ASIC2: variants seen among roughly 807,000 people sequenced by gnomAD.
The protein encoded by ASIC2 is acid sensing ion channel subunit 2, also known as acid-sensing ion channel 2.
ASIC2 carries 25 observed loss-of-function variants against 57.3 expected under a neutral mutation model. That is an observed-to-expected ratio of 0.44 (90% confidence interval 0.32 to 0.61). The LOEUF is 0.61. Ranked by LOEUF, ASIC2 falls within the 20% of genes least tolerant of loss-of-function variation. The probability of loss-of-function intolerance (pLI) is 0.06; values close to 1 mark genes in which losing one functional copy is unlikely to be tolerated. For missense variants in ASIC2, 641 were observed against 738.1 expected (o/e 0.87, Z 1.52); for synonymous variants, 319 against 307.5 (o/e 1.04, Z -0.39).
intron 1 of ASIC2, among the ~76,000 whole-genome samples, chr17:33,674,691 A>G (rs916028364): frequency 6.6e-6 from 1 of 152,218 alleles, no homozygotes; most frequent in East Asian, 1.9e-4. Context: ...TAATTTTTTA[A>G]TGGGTGAATA....
intron 1 of ASIC2, among the ~76,000 whole-genome samples, chr17:33,609,273 T>G (rs943524998): frequency 6.6e-6 from 1 of 152,220 alleles, no homozygotes; most frequent in Non-Finnish European, 1.5e-5. Flanking sequence ...TAAGAGACAC[T>G]GACGGCTTCC....
intron 1 of ASIC2, among the ~76,000 whole-genome samples, chr17:33,395,391 A>T (rs767676526): frequency 1.3e-5 from 2 of 152,202 alleles, no homozygotes; most frequent in Non-Finnish European, 2.9e-5. Flanking sequence ...CACATCTTAC[A>T]TGAATGGCAG....
chr17:34,058,392 G>A (rs1435446604), intron 1 of ASIC2, among the ~76,000 whole-genome samples: 1 of 152,172 alleles, frequency 6.6e-6, no homozygotes, highest in Non-Finnish European at 1.5e-5. Context: ...CAGCCTGGAG[G>A]AACAGCCCTT....
intron 1 of ASIC2, among the ~76,000 whole-genome samples, chr17:34,132,363 G>C (rs148291662): frequency 6.6e-6 from 1 of 152,298 alleles, no homozygotes; most frequent in East Asian, 1.9e-4. Context: ...CCACAGCGTG[G>C]AAGGACAGGT....
At chr17:33,409,231 A>T (rs28378555) in intron 1 of ASIC2, among the ~76,000 whole-genome samples, 3 of 152,134 alleles carry the variant, frequency 2.0e-5, no homozygotes, top group African/African-American at 7.2e-5. Flanking sequence ...AATTTTTTTA[A>T]AAAAAAGTTC....
intron 1 of ASIC2, among the ~76,000 whole-genome samples, chr17:33,152,251 A>G (rs997663805): frequency 2.0e-5 from 3 of 152,090 alleles, no homozygotes; most frequent in Admixed American, 6.6e-5. Flanking sequence ...ACTAGACACA[A>G]TGTGGTTGGT....
At chr17:33,958,569 T>A (rs1489306837) in intron 1 of ASIC2, among the ~76,000 whole-genome samples, 3 of 152,172 alleles carry the variant, frequency 2.0e-5, no homozygotes, top group Admixed American at 1.3e-4. Context: ...TTGGCTCCTT[T>A]TAACCATGGC....
At chr17:33,854,693 G>C (rs138854367) in intron 1 of ASIC2, among the ~76,000 whole-genome samples, 2 of 152,104 alleles carry the variant, frequency 1.3e-5, no homozygotes, top group Admixed American at 1.3e-4. Context: ...ATTTGGGTGA[G>C]TGGCCCCTGT....
chr17:33,071,001 G>T (rs1379112979), intron 3 of ASIC2, among the ~76,000 whole-genome samples: 1 of 151,888 alleles, frequency 6.6e-6, no homozygotes, highest in Non-Finnish European at 1.5e-5. Flanking sequence ...TCCTCTGTAG[G>T]TAATGAGTTA....
intron 1 of ASIC2, among the ~76,000 whole-genome samples, chr17:33,642,218 C>G (rs143616384): frequency 4.6e-5 from 6 of 131,242 alleles, no homozygotes; most frequent in South Asian, 2.5e-4. Context: ...CCCCCCCCCC[C>G]CCCACACACA....
intron 1 of ASIC2, among the ~76,000 whole-genome samples, chr17:33,398,131 T>C (rs1450641248): frequency 6.6e-6 from 1 of 152,214 alleles, no homozygotes; most frequent in African/African-American, 2.4e-5. Flanking sequence ...GACCACCTTC[T>C]AACATACCAT....
intron 1 of ASIC2, among the ~76,000 whole-genome samples, chr17:33,940,149 C>G (rs1916153451): frequency 6.6e-6 from 1 of 152,212 alleles, no homozygotes; most frequent in African/African-American, 2.4e-5. Flanking sequence ...CCTAACTAGG[C>G]AGCGTGCCCA....
intron 1 of ASIC2, chr17:33,984,377 G>GT (rs1378478020): frequency 6.6e-6 from 1 of 152,216 alleles, no homozygotes; most frequent in Non-Finnish European, 1.5e-5. Context: ...GGGAATCTGT[G>GT]TTTCTTATCA....
chr17:33,588,584 C>G (rs898533591), intron 1 of ASIC2, among the ~76,000 whole-genome samples: 3 of 152,194 alleles, frequency 2.0e-5, no homozygotes, highest in African/African-American at 4.8e-5. Context: ...CACTCCTGCT[C>G]TCTTGAAGCT....
At chr17:33,131,411 A>G (rs1480940178) in intron 1 of ASIC2, among the ~76,000 whole-genome samples, 1 of 152,126 alleles carries the variant, frequency 6.6e-6, no homozygotes. Flanking sequence ...CTGTGTGTTC[A>G]TATTGCTAGG....
At chr17:33,282,479 G>GTGTGTGT (rs1555592669) in intron 1 of ASIC2, among the ~76,000 whole-genome samples, 2 of 147,018 alleles carry the variant, frequency 1.4e-5, no homozygotes, top group African/African-American at 5.1e-5. Flanking sequence ...GTGTGTGCTT[G>GTGTGTGT]TGTGTGTGTG....
At chr17:34,039,277 T>G in intron 1 of ASIC2, 1 of 1,613,960 alleles carries the variant, frequency 6.2e-7, no homozygotes, top group Non-Finnish European at 8.5e-7. Flanking sequence ...GGAGATCTGT[T>G]TTTGGGAGCT....
chr17:33,509,806 A>C (rs574002359), intron 1 of ASIC2, among the ~76,000 whole-genome samples: 1 of 152,348 alleles, frequency 6.6e-6, no homozygotes, highest in Admixed American at 6.5e-5. Flanking sequence ...TGAGTACTTA[A>C]GGAACTGGTG....
At chr17:33,748,230 C>T (rs894034867) in intron 1 of ASIC2, among the ~76,000 whole-genome samples, 1 of 152,238 alleles carries the variant, frequency 6.6e-6, no homozygotes, top group Non-Finnish European at 1.5e-5. Flanking sequence ...GCCTGCTTCC[C>T]TGATTCCTTG....
Sources: gnomAD v4.1 joint callset for allele counts (sites outside exome capture counted in the v4.1 genomes callset) on GRCh38, gnomAD v4.1.1 for gene constraint, MANE v1.5 for transcripts, NCBI Gene and HGNC (gene_info 2026-07-23, HGNC 2026-07-21) for gene names.